Variants in PRRC1 observed in about 807,000 individuals in gnomAD.
PRRC1 encodes protein PRRC1.
PRRC1 carries 39 observed loss-of-function variants against 40.7 expected under a neutral mutation model. That is an observed-to-expected ratio of 0.96 (90% CI 0.74 to 1.25). PRRC1 has a LOEUF of 1.25. Among genes scored for constraint, PRRC1 ranks in the 50% most tolerant of loss-of-function variants. The pLI is 0.00. For missense variants in PRRC1, 573 were observed against 548.3 expected, an observed-to-expected ratio of 1.05 and a Z score of -0.45; for synonymous variants, 175 against 193.3, an observed-to-expected ratio of 0.91 and a Z score of 0.79.
At chr5:127,546,281 C>T (rs1768217586) in intron 7 of PRRC1, among the ~76,000 whole-genome samples, 1 of 152,130 alleles carries the variant, frequency 6.6e-6, no homozygotes, top group Non-Finnish European at 1.5e-5. Flanking sequence ...TTTTGAATGC[C>T]TGTATCTTTA....
chr5:127,533,553 TG>T, intron 5 of PRRC1, 69 bp from the exon 6 acceptor site: 2 of 1,274,424 alleles, frequency 1.6e-6, no homozygotes, highest in Non-Finnish European at 2.2e-6. Flanking sequence ...TGTTAGCACC[TG>T]GTATGGTAGT....
chr5:127,551,980 T>G lies in PRRC1; in HGVS notation c.*64T>G, dbSNP rs1383675461. ...TTTAGCTTGATGTTAAAGAAGTGGT[T>G]GTACCTTCCTAAATCGAATAGTCTA... On this transcript the variant is annotated 3_prime_UTR_variant, in exon 9 of 9. Transcript: ENST00000296666. 6.2e-7 allele frequency: 1 copy of G among 1,602,420 alleles called. No individual in the cohort carries two copies. Among genetic ancestry groups the G allele is most frequent in the African/African-American group, 1.3e-5 (1 of 74,792 alleles).
At chr5:127,528,582 C>G (rs1243186942) in intron 4 of PRRC1, among the ~76,000 whole-genome samples, 1 of 152,132 alleles carries the variant, frequency 6.6e-6, no homozygotes, top group Admixed American at 6.5e-5. Flanking sequence ...TCCCAAAGTG[C>G]TGGGATTACA....
At chr5:127,525,155 C>G (rs545872422) in intron 3 of PRRC1, among the ~76,000 whole-genome samples, 3 of 152,148 alleles carry the variant, frequency 2.0e-5, no homozygotes, top group Non-Finnish European at 4.4e-5. Flanking sequence ...CCTACTGTCC[C>G]CCAAATCCTC....
intron 4 of PRRC1, 48 bp from the exon 5 acceptor site, chr5:127,530,246 T>C: frequency 6.6e-7 from 1 of 1,507,588 alleles, no homozygotes; most frequent in Non-Finnish European, 9.1e-7. Context: ...AAGATCATGG[T>C]GTTCCTCACT....
Position 127,551,931 on chromosome 5 carries a change from G to C in PRRC1, c.*15G>C. 1 of 1,613,446 alleles carries C rather than the reference G, an allele frequency of 6.2e-7. No homozygotes were observed. The highest frequency in any genetic ancestry group is 1.7e-4 in the Middle Eastern group (1 of 5,992). On this transcript the variant is annotated 3_prime_UTR_variant, in exon 9 of 9. Transcript: ENST00000296666. ...GGACAGTGTGAGAGGAGACCTACCT[G>C]GGAGACTGAGACTTTCCCCCACTTT...
chr5:127,551,745 G>T lies in PRRC1; in HGVS notation c.1167G>T (p.Trp389Cys). 1 of 1,614,102 alleles carries T rather than the reference G, an allele frequency of 6.2e-7. No homozygotes were observed. The highest frequency in any genetic ancestry group is 8.5e-7 in the Non-Finnish European group (1 of 1,179,998). Residue 389 changes from tryptophan (W) to cysteine (C), a missense_variant, in exon 9 of 9, where the codon TGG becomes TGT. Physicochemically the swap from Trp to Cys is radical, Grantham distance 215. Transcript: ENST00000296666. ...SLTPQDYNLRWSGLLVTVGEV... is the reference protein window; with the variant it reads ...SLTPQDYNLRCSGLLVTVGEV... ...CTCCCCAGGACTATAATCTGAGGTG[G>T]TCAGGCCTTTTGGTGACAGTGGGTG... is the stretch of plus-strand genomic sequence containing the variant.
chr5:127,532,072 C>T (rs1439620782), intron 5 of PRRC1, among the ~76,000 whole-genome samples: 1 of 151,522 alleles, frequency 6.6e-6, no homozygotes, highest in African/African-American at 2.4e-5. Flanking sequence ...CCATTCTGAT[C>T]TAACAAAACA....
At chr5:127,543,579 T>A (rs1036049560) in intron 7 of PRRC1, among the ~76,000 whole-genome samples, 4 of 152,142 alleles carry the variant, frequency 2.6e-5, no homozygotes, top group Non-Finnish European at 5.9e-5. Flanking sequence ...TTTCTTTTTA[T>A]TCTTTTTTCT....
chr5:127,552,147 G>T lies in PRRC1; in HGVS notation c.*231G>T, dbSNP rs1768409054. ...TTCACCTATCATAGTACTCAAAAAA[G>T]AAAATATACAAATCTATTTACAGCA... On this transcript the variant is annotated 3_prime_UTR_variant, in exon 9 of 9. Coordinates refer to ENST00000296666, the MANE Select transcript of PRRC1 (RefSeq NM_130809.5). 3.8e-6 allele frequency: 5 copies of T among 1,317,442 alleles called. No homozygotes were observed. The Admixed American group carries it at 1.7e-4, about 45-fold the overall frequency. The allele number at this position is 1,317,442 out of a possible 1,614,324, so 81.6% of individuals were successfully genotyped here.
intron 6 of PRRC1, among the ~76,000 whole-genome samples, chr5:127,536,177 C>T (rs1767895581): frequency 6.6e-6 from 1 of 151,940 alleles, no homozygotes; most frequent in African/African-American, 2.4e-5. Context: ...GTAGGTTTCT[C>T]TTGAATTTGA....
At chr5:127,548,454 C>CACT in intron 8 of PRRC1, 1 of 106,518 alleles carries the variant, frequency 9.4e-6, no homozygotes, top group Non-Finnish European at 1.8e-5. Context: ...ATCCTTATTC[C>CACT]TCTTTTTTTT....
chr5:127,521,544 A>C (rs1400944171), intron 1 of PRRC1, among the ~76,000 whole-genome samples: 1 of 152,224 alleles, frequency 6.6e-6, no homozygotes. Context: ...TCTGTGAGAC[A>C]CACCCTTCTA....
At chr5:127,528,737 A>G (rs1355521054) in intron 4 of PRRC1, among the ~76,000 whole-genome samples, 1 of 152,144 alleles carries the variant, frequency 6.6e-6, no homozygotes. Flanking sequence ...TTAGACACTT[A>G]GCGTTTAATA....
chr5:127,537,341 C>T lies in PRRC1; in HGVS notation c.922-1699C>T, dbSNP rs547026370. Among the ~76,000 whole-genome samples the T allele has an allele frequency of 7.9e-5, 12 of 151,854 alleles. No individual in the cohort carries two copies. The East Asian group carries it at 1.5e-3, about 20-fold the overall frequency. Reference sequence around the variant, plus strand: ...TTATATTGCTAAAAAATAAAATCTCCTTCTCAAAACATTGGTAGGGACTAA... The same window carrying T: ...TTATATTGCTAAAAAATAAAATCTCTTTCTCAAAACATTGGTAGGGACTAA... On this transcript the variant is annotated intron_variant, in intron 6 of 8. Coordinates refer to ENST00000296666, the MANE Select transcript of PRRC1 (RefSeq NM_130809.5).
chr5:127,543,905 G>T (rs376525540), intron 7 of PRRC1, among the ~76,000 whole-genome samples: 1 of 152,134 alleles, frequency 6.6e-6, no homozygotes, highest in Non-Finnish European at 1.5e-5. Flanking sequence ...GCTTTGTTCC[G>T]TTGCTGGTGA....
chr5:127,540,703 G>A (rs146360470), intron 7 of PRRC1, among the ~76,000 whole-genome samples: 3 of 152,142 alleles, frequency 2.0e-5, no homozygotes, highest in Non-Finnish European at 4.4e-5. Flanking sequence ...TCTGGCTTCC[G>A]TCATTTCTGT....
intron 1 of PRRC1, among the ~76,000 whole-genome samples, chr5:127,522,823 T>G (rs1426941620): frequency 6.6e-6 from 1 of 152,068 alleles, no homozygotes; most frequent in Non-Finnish European, 1.5e-5. Context: ...CAGGCTGGAG[T>G]GCAGTGGTGC....
At chr5:127,521,377 A>G (rs1179530645) in intron 1 of PRRC1, among the ~76,000 whole-genome samples, 6 of 151,686 alleles carry the variant, frequency 4.0e-5, no homozygotes, top group African/African-American at 1.4e-4. Flanking sequence ...GCTCTGGCTC[A>G]TACCCCTGCT....
Sources: allele counts gnomAD v4.1 joint callset (sites outside exome capture counted in the v4.1 genomes callset), GRCh38; gene constraint gnomAD v4.1.1; transcripts MANE v1.5; gene names NCBI Gene and HGNC (gene_info 2026-07-23, HGNC 2026-07-21).